The following TNKS variants were observed in gnomAD, a reference collection of about 807,000 sequenced individuals.
TNKS encodes tankyrase.
In TNKS, 72 loss-of-function variants were observed where a neutral mutation model predicts 135.8. That is an observed-to-expected ratio of 0.53 (90% confidence interval 0.44 to 0.64). The LOEUF (loss-of-function observed/expected upper bound fraction) is 0.64, where lower values mean the gene tolerates loss of function less well. Among genes scored for constraint, TNKS ranks in the 30% least tolerant of loss-of-function variants. The probability of loss-of-function intolerance (pLI) is 0.00; values close to 1 mark genes in which losing one functional copy is unlikely to be tolerated. For missense variants in TNKS, 1,769 were observed against 1,674.0 expected (o/e 1.06, Z -0.99); for synonymous variants, 849 against 649.3 (o/e 1.31, Z -4.68).
At chr8:9,569,764 T>C (rs902025419) in intron 1 of TNKS, among the ~76,000 whole-genome samples, 3 of 152,270 alleles carry the variant, frequency 2.0e-5, no homozygotes, top group African/African-American at 7.2e-5. Context: ...ATTCACTGTT[T>C]GGCATTATAT....
chr8:9,594,035 C>T (rs569139930), intron 2 of TNKS, among the ~76,000 whole-genome samples: 1 of 152,144 alleles, frequency 6.6e-6, no homozygotes, highest in East Asian at 1.9e-4. Flanking sequence ...TGTAGGAACC[C>T]GCCACCACGC....
chr8:9,716,304 T>C (rs1488139891), intron 11 of TNKS, among the ~76,000 whole-genome samples: 1 of 152,120 alleles, frequency 6.6e-6, no homozygotes, highest in Non-Finnish European at 1.5e-5. Context: ...AAGTAGATTG[T>C]TAGCGCAAAG....
In TNKS at chr8:9,655,525, G is replaced by T. The variant is rs562706847; in HGVS notation, c.995-24426G>T. Among the ~76,000 whole-genome samples, 5 of 152,266 alleles carry T rather than the reference G, an allele frequency of 3.3e-5. No individual in the cohort carries two copies. The South Asian group carries it at 8.3e-4, about 25-fold the overall frequency. ...GCGCACTGACACTTCACACGGCTGG[G>T]TACTCCTCTGAGACAAAACCTCCAG... On this transcript the variant is annotated intron_variant, in intron 3 of 26. Transcript: ENST00000310430.
In TNKS at chr8:9,615,567, G is replaced by C. The variant is rs1383043519; in HGVS notation, c.899-15G>C. 2 of 1,605,862 alleles carry C rather than the reference G, an allele frequency of 1.2e-6. No homozygotes were observed. The highest frequency in any genetic ancestry group is 1.7e-5 in the Admixed American group (1 of 58,980). ...ATCCCCGAGGTAAGATACTGTTTCT[G>C]CTTTCCCTGCACAGTGCTGCTGCAG... On this transcript the variant is annotated splice_polypyrimidine_tract_variant and intron_variant, in intron 2 of 26. Coordinates refer to ENST00000310430, the MANE Select transcript of TNKS (RefSeq NM_003747.3).
At position 9,780,009 on chromosome 8, in the gene TNKS, T is replaced by C. The variant is rs1011779509; in HGVS notation, c.*3273T>C. 3.9e-5 allele frequency: 6 copies of C among 152,240 alleles called. No homozygotes were observed. In the East Asian group the frequency reaches 1.2e-3, roughly 29 times the overall value. The allele number at this position is 152,240 out of a possible 1,614,324, so 9.4% of individuals were successfully genotyped here. The stretch of plus-strand genomic sequence containing the variant: ...TCTCAAAATACAAAGTGCATTGAAG[T>C]ATACAGAGAAATGCCTGAATATGGC... On this transcript the variant is annotated 3_prime_UTR_variant, in exon 27 of 27. Transcript: ENST00000310430.
chr8:9,669,992 T>A (rs571001435), intron 3 of TNKS: 29 of 152,318 alleles, frequency 1.9e-4, no homozygotes, highest in African/African-American at 5.8e-4. Context: ...AAAAAGTGAC[T>A]CAGTGCAGTT....
intron 3 of TNKS, among the ~76,000 whole-genome samples, chr8:9,622,176 T>C (rs1419935242): frequency 6.6e-6 from 1 of 152,202 alleles, no homozygotes; most frequent in Non-Finnish European, 1.5e-5. Flanking sequence ...TTAAAAAAGA[T>C]TATATCTGAC....
At chr8:9,701,501 A>C (rs565090968) in intron 5 of TNKS, among the ~76,000 whole-genome samples, 1 of 152,340 alleles carries the variant, frequency 6.6e-6, no homozygotes, top group African/African-American at 2.4e-5. Flanking sequence ...TCTGTGGAGG[A>C]AGTTTTCAAA....
At chr8:9,584,248 C>G (rs1798284754) in intron 2 of TNKS, among the ~76,000 whole-genome samples, 1 of 146,798 alleles carries the variant, frequency 6.8e-6, no homozygotes. Context: ...GTATCCAATT[C>G]TTTTTCTGAT....
At chr8:9,668,011 G>A (rs1255002445) in intron 3 of TNKS, among the ~76,000 whole-genome samples, 2 of 152,120 alleles carry the variant, frequency 1.3e-5, no homozygotes, top group Non-Finnish European at 2.9e-5. Context: ...GGAGTTTAGA[G>A]CTAGCATGCT....
intron 26 of TNKS, among the ~76,000 whole-genome samples, chr8:9,775,344 G>C (rs998523566): frequency 6.6e-6 from 1 of 151,254 alleles, no homozygotes; most frequent in Non-Finnish European, 1.5e-5. Flanking sequence ...GGAAAGTCAG[G>C]AGAGATTTTC....
chr8:9,697,104 C>A (rs1302961026), intron 5 of TNKS, among the ~76,000 whole-genome samples: 1 of 152,016 alleles, frequency 6.6e-6, no homozygotes, highest in Non-Finnish European at 1.5e-5. Flanking sequence ...AAAACAGACA[C>A]GTAGACTGAT....
intron 1 of TNKS, among the ~76,000 whole-genome samples, chr8:9,566,765 C>T (rs1016973600): frequency 1.3e-5 from 2 of 151,316 alleles, no homozygotes; most frequent in African/African-American, 2.4e-5. Flanking sequence ...CCCGCCACCG[C>T]GCCCGGCTAA....
chr8:9,662,419 A>C (rs1291579433), intron 3 of TNKS, among the ~76,000 whole-genome samples: 1 of 152,224 alleles, frequency 6.6e-6, no homozygotes, highest in Non-Finnish European at 1.5e-5. Context: ...GCAGCCATAA[A>C]AAAGGATGAG....
chr8:9,770,493 C>A (rs942079168), intron 26 of TNKS, among the ~76,000 whole-genome samples: 2 of 152,236 alleles, frequency 1.3e-5, no homozygotes, highest in Admixed American at 1.3e-4. Context: ...AAGAGGGCAG[C>A]TGAGAAACAA....
At chr8:9,598,942 G>A (rs1798913760) in intron 2 of TNKS, among the ~76,000 whole-genome samples, 1 of 151,154 alleles carries the variant, frequency 6.6e-6, no homozygotes, top group Non-Finnish European at 1.5e-5. Flanking sequence ...AAACACTGAT[G>A]AAGTGTTTCT....
At chr8:9,598,763 G>GTC (rs1798895849) in intron 2 of TNKS, among the ~76,000 whole-genome samples, 4 of 58,724 alleles carry the variant, frequency 6.8e-5, no homozygotes, top group African/African-American at 2.3e-4. Context: ...ATATGTGTGT[G>GTC]TGTATATATA....
intron 14 of TNKS, among the ~76,000 whole-genome samples, chr8:9,731,353 G>T (rs1805427375): frequency 6.6e-6 from 1 of 151,300 alleles, no homozygotes; most frequent in East Asian, 1.9e-4. Context: ...CCAGCTACTT[G>T]GGAGGCTGAG....
intron 3 of TNKS, among the ~76,000 whole-genome samples, chr8:9,629,122 A>G (rs1291560396): frequency 2.0e-5 from 3 of 152,230 alleles, no homozygotes; most frequent in East Asian, 1.9e-4. Flanking sequence ...GCTGGTTTCA[A>G]TGACCTGTTT....
Sources: gnomAD v4.1 joint callset for allele counts (sites outside exome capture counted in the v4.1 genomes callset) on GRCh38, gnomAD v4.1.1 for gene constraint, MANE v1.5 for transcripts, NCBI Gene and HGNC (gene_info 2026-07-23, HGNC 2026-07-21) for gene names.